The following MYBL2 variants were observed in gnomAD, a reference collection of about 807,000 sequenced individuals.
MYBL2 encodes the protein myb-related protein B.
MYBL2 carries 28 observed loss-of-function variants against 79.9 expected under a neutral mutation model. That is an observed-to-expected ratio of 0.35 (90% CI 0.26 to 0.48). The LOEUF is 0.48. MYBL2 is among the 20% of genes least tolerant of loss of function. The pLI, the probability that MYBL2 is intolerant of heterozygous loss-of-function variation, is 0.99. For synonymous variants in MYBL2, 378 were observed against 361.2 expected (o/e 1.05, Z -0.53); for missense variants, 735 against 893.9 (o/e 0.82, Z 2.27).
chr20:43,688,587 A>G (rs935416801), intron 5 of MYBL2, among the ~76,000 whole-genome samples: 6 of 152,042 alleles, frequency 3.9e-5, no homozygotes, highest in Non-Finnish European at 7.4e-5. Context: ...AACTCAAGCA[A>G]TCCTTCTGCC....
intron 9 of MYBL2, among the ~76,000 whole-genome samples, chr20:43,705,717 T>TA (rs1987765994): frequency 6.6e-6 from 1 of 151,186 alleles, no homozygotes; most frequent in Admixed American, 6.6e-5. Flanking sequence ...TTTATTTATT[T>TA]TGAGATGGAG....
At chr20:43,669,755 A>G (rs1986814424) in intron 1 of MYBL2, among the ~76,000 whole-genome samples, 1 of 152,186 alleles carries the variant, frequency 6.6e-6, no homozygotes, top group African/African-American at 2.4e-5. Flanking sequence ...ATGTGGGTGA[A>G]GTTGATGGCC....
At position 43,702,710 on chromosome 20, in the gene MYBL2, C is replaced by T. The variant is rs1237573495; in HGVS notation, c.1172C>T (p.Pro391Leu). The T allele has an allele frequency of 3.7e-6, 6 of 1,613,618 alleles. No homozygotes were observed. The highest frequency in any genetic ancestry group is 3.4e-6 in the Non-Finnish European group (4 of 1,179,704). Residue 391 changes from proline (P) to leucine (L), a missense_variant, in exon 8 of 14, where the codon CCC becomes CTC. Physicochemically the swap from Pro to Leu is moderately conservative, Grantham distance 98. Coordinates refer to ENST00000217026, the MANE Select transcript of MYBL2 (RefSeq NM_002466.4). The stretch of plus-strand genomic sequence containing the variant: ...CGGAGCAGCCGGGGCGAGCTGATCC[C>T]CATCTCCCCCAGCACTGAAGTCGGG... ...LSRSSRGELI[P>L]ISPSTEVGGS...
intron 9 of MYBL2, among the ~76,000 whole-genome samples, chr20:43,705,565 T>C (rs1440370696): frequency 6.6e-6 from 1 of 152,208 alleles, no homozygotes; most frequent in East Asian, 1.9e-4. Context: ...CTTTTCCTCA[T>C]TTGTATTTTT....
intron 5 of MYBL2, among the ~76,000 whole-genome samples, chr20:43,691,365 A>T (rs185717794): frequency 1.3e-5 from 2 of 151,970 alleles, no homozygotes; most frequent in East Asian, 3.9e-4. Context: ...TCTGTTGCCC[A>T]GGCTGTAGTG....
intron 2 of MYBL2, among the ~76,000 whole-genome samples, chr20:43,676,606 T>C (rs1987015468): frequency 6.6e-6 from 1 of 152,218 alleles, no homozygotes; most frequent in South Asian, 2.1e-4. Context: ...TTGGCTATCG[T>C]GTATAGCGCT....
intron 12 of MYBL2, 40 bp downstream of exon 12, chr20:43,713,146 G>A (rs764286263): frequency 1.9e-6 from 3 of 1,550,842 alleles, no homozygotes; most frequent in Non-Finnish European, 2.6e-6. Flanking sequence ...GTTTTGGAGA[G>A]GACCCTCAAG....
rs1235464873 is a variant in MYBL2 at position 43,667,168 on chromosome 20, C to G, written c.-116C>G. On this transcript the variant is annotated 5_prime_UTR_variant, in exon 1 of 14. Transcript: ENST00000217026. Reference sequence around the variant, plus strand: ...GGACCTGCTGACACGCTGACGCCTTCGAGCGCGGCCCGGGGCCCGGAGCGG... The same window carrying G: ...GGACCTGCTGACACGCTGACGCCTTGGAGCGCGGCCCGGGGCCCGGAGCGG... 6 of 623,304 alleles carry G rather than the reference C, an allele frequency of 9.6e-6. No individual in the cohort carries two copies. The highest frequency in any genetic ancestry group is 1.3e-5 in the Non-Finnish European group (6 of 461,588). The allele number at this position is 623,304 out of a possible 1,614,324, so 38.6% of individuals were successfully genotyped here.
Position 43,702,754 on chromosome 20 carries a change from C to G in MYBL2, c.1216C>G (p.Pro406Ala), listed in dbSNP as rs1430184123. 1 of 1,614,208 alleles carries G rather than the reference C, an allele frequency of 6.2e-7. No homozygotes were observed. The highest frequency in any genetic ancestry group is 1.3e-5 in the African/African-American group (1 of 75,068). ...AGTCGGGGGCTCTGGCATTGGCACACCGCCCTCTGTGCTCAAGCGGCAGAG... is the reference window on the plus strand; with the variant it reads ...AGTCGGGGGCTCTGGCATTGGCACAGCGCCCTCTGTGCTCAAGCGGCAGAG... Reference protein sequence around the residue: ...TEVGGSGIGTPPSVLKRQRKR... With the variant: ...TEVGGSGIGTAPSVLKRQRKR... Residue 406 changes from proline to alanine, a missense_variant, in exon 8 of 14, where the codon CCG (proline) becomes GCG (alanine). Around this residue, in one of 5 missense-constraint regions of MYBL2, gnomAD observed 243 missense variants for 327.2 expected, o/e 0.74. Coordinates refer to ENST00000217026, the MANE Select transcript of MYBL2 (RefSeq NM_002466.4).
intron 4 of MYBL2, among the ~76,000 whole-genome samples, chr20:43,683,909 A>G (rs566510889): frequency 3.2e-4 from 48 of 151,824 alleles, no homozygotes; most frequent in Admixed American, 8.6e-4. Flanking sequence ...ACTCTGTTGC[A>G]CTGGCTGGAG....
Position 43,687,845 on chromosome 20 carries a change from A to G in MYBL2, c.500+773A>G, listed in dbSNP as rs576402527. Among the ~76,000 whole-genome samples, 12 of 151,970 alleles carry G rather than the reference A, an allele frequency of 7.9e-5. No individual in the cohort carries two copies. The East Asian group carries it at 2.3e-3, about 30-fold the overall frequency. ...AGCCTGGCCAACACAGTGAAGCCTCATCTCTACTAAAAATACAAAAAATTA... is the reference window on the plus strand; with the variant it reads ...AGCCTGGCCAACACAGTGAAGCCTCGTCTCTACTAAAAATACAAAAAATTA... On this transcript the variant is annotated intron_variant, in intron 5 of 13. Coordinates refer to ENST00000217026, the MANE Select transcript of MYBL2 (RefSeq NM_002466.4).
At position 43,706,172 on chromosome 20, in the gene MYBL2, C is replaced by T. The variant is rs564190065; in HGVS notation, c.1505+814C>T. Among the ~76,000 whole-genome samples the T allele has an allele frequency of 3.3e-5, 5 of 152,276 alleles. 1 individual carries two copies. Among genetic ancestry groups the T allele is most frequent in the African/African-American group, 1.2e-4 (5 of 41,564 alleles). ...CTCAGGAATGGAGAGTCCAAATTAG[C>T]CTGAAAAACATAATCTCTTCCGCTT... On this transcript the variant is annotated intron_variant, in intron 9 of 13. Coordinates refer to ENST00000217026, the MANE Select transcript of MYBL2 (RefSeq NM_002466.4).
intron 1 of MYBL2, among the ~76,000 whole-genome samples, chr20:43,671,077 T>C (rs1180099475): frequency 6.6e-6 from 1 of 151,768 alleles, no homozygotes; most frequent in Non-Finnish European, 1.5e-5. Context: ...CAAGCAATTC[T>C]CCTGCCTCAG....
intron 10 of MYBL2, among the ~76,000 whole-genome samples, chr20:43,710,304 A>G (rs1008717436): frequency 2.6e-5 from 4 of 152,212 alleles, no homozygotes; most frequent in Non-Finnish European, 5.9e-5. Context: ...ACATGGTGGT[A>G]TCCCGTGACA....
intron 1 of MYBL2, among the ~76,000 whole-genome samples, chr20:43,668,040 C>CCCGGAGCCAGGTCTGTGGCT (rs1378661514): frequency 6.6e-6 from 1 of 151,996 alleles, no homozygotes; most frequent in Non-Finnish European, 1.5e-5. Flanking sequence ...CAGAGCTGAG[C>CCCGGAGCCAGGTCTGTGGCT]CCGGAGCCAG....
At position 43,699,914 on chromosome 20, in the gene MYBL2, C is replaced by T. The variant is rs148341654; in HGVS notation, c.821C>T (p.Pro274Leu). The T allele has an allele frequency of 1.3e-4, 205 of 1,614,052 alleles. No homozygotes were observed. In the African/African-American group the frequency reaches 1.4e-3, roughly 11 times the overall value. The stretch of plus-strand genomic sequence containing the variant: ...ACACCAGAGCCCTTGGAGGAATTCC[C>T]GAAGCGTGAGGACCAGGAAGGCTCC... ...VRTPEPLEEF[P>L]KREDQEGSPP... Residue 274 changes from proline to leucine, a missense_variant, in exon 7 of 14, where the codon CCG becomes CTG. This residue lies in a region of MYBL2 where 144 missense variants were observed against 131.9 expected (regional missense o/e 1.09). Transcript: ENST00000217026.
At chr20:43,693,345 TTTTA>T (rs1475515491) in intron 6 of MYBL2, among the ~76,000 whole-genome samples, 3 of 152,178 alleles carry the variant, frequency 2.0e-5, no homozygotes, top group East Asian at 3.9e-4. Context: ...CATTTGCAGT[TTTTA>T]TTTATTTATT....
Position 43,713,111 on chromosome 20 carries a change from G to A in MYBL2, c.1824+5G>A. 6.2e-7 allele frequency: 1 copy of A among 1,608,788 alleles called. No individual in the cohort carries two copies. The highest frequency in any genetic ancestry group is 8.5e-7 in the Non-Finnish European group (1 of 1,176,868). On this transcript the variant is annotated splice_donor_5th_base_variant and intron_variant, in intron 12 of 13. Transcript: ENST00000217026. ...CTGCCCAAGTCTCTATCCTTGGTAAGGCTTCTGCTCCTTGGAACTGTTGAG... is the reference window on the plus strand; with the variant it reads ...CTGCCCAAGTCTCTATCCTTGGTAAAGCTTCTGCTCCTTGGAACTGTTGAG...
At chr20:43,677,664 C>T (rs1987041933) in intron 2 of MYBL2, among the ~76,000 whole-genome samples, 1 of 151,902 alleles carries the variant, frequency 6.6e-6, no homozygotes, top group South Asian at 2.1e-4. Context: ...GCCAGCCGCC[C>T]CGACTGGGAG....
Sources: gnomAD v4.1 joint callset for allele counts (sites outside exome capture counted in the v4.1 genomes callset) on GRCh38, gnomAD v4.1.1 for gene constraint, gnomAD v4.1.1 regional missense constraint, MANE v1.5 for transcripts, NCBI Gene and HGNC (gene_info 2026-07-23, HGNC 2026-07-21) for gene names.